Variants in ANXA9 observed in about 807,000 individuals in gnomAD.
ANXA9 encodes annexin A9, also known as annexin 31.
A neutral mutation model predicts 51.8 loss-of-function variants in ANXA9; 47 were observed. That is an observed-to-expected ratio of 0.91 (90% confidence interval 0.72 to 1.16). The LOEUF (loss-of-function observed/expected upper bound fraction) is 1.16. Among genes scored for constraint, ANXA9 ranks in the 50% most tolerant of loss-of-function variants. ANXA9 has a pLI of 0.00. For missense variants in ANXA9, 361 were observed against 424.7 expected (o/e 0.85, Z 1.32); for synonymous variants, 154 against 168.7 (o/e 0.91, Z 0.68).
chr1:150,984,246 C>T, intron 5 of ANXA9, 35 bp from the exon 6 acceptor site: 2 of 1,591,602 alleles, frequency 1.3e-6, no homozygotes, highest in Non-Finnish European at 1.7e-6. Context: ...TTCCCCTCAC[C>T]CCCGTCCCTC....
At chr1:150,979,290 G>T (rs12069792), upstream of ANXA9, among the ~76,000 whole-genome samples, 2 of 152,004 alleles carry the variant, frequency 1.3e-5, no homozygotes, top group South Asian at 2.1e-4. Flanking sequence ...GAGATTCGGC[G>T]TGAGGAAACA....
At chr1:150,986,697 T>C (rs928299600) in intron 9 of ANXA9, 36 bp downstream of exon 9, 2 of 1,547,616 alleles carry the variant, frequency 1.3e-6, no homozygotes, top group East Asian at 2.3e-5. Context: ...ACAGCCGCCA[T>C]GCACATAAGA....
chr1:150,981,200 T>C (rs1309467181), upstream of ANXA9, among the ~76,000 whole-genome samples: 2 of 152,206 alleles, frequency 1.3e-5, no homozygotes, highest in African/African-American at 2.4e-5. Flanking sequence ...GGAGCAGTGA[T>C]TACCGCCACA....
In ANXA9 at chr1:150,983,134, C is replaced by T. The variant is rs142659327; in HGVS notation, c.29C>T (p.Pro10Leu). 124 of 1,614,036 alleles carry T rather than the reference C, an allele frequency of 7.7e-5. No homozygotes were observed. In the African/African-American group the frequency reaches 1.4e-3, roughly 19 times the overall value. ...TCTGTGACTGGCGGGAAGATGGCAC[C>T]GTCCCTCACCCAGGAGATCCTCAGC... MSVTGGKMA[P>L]SLTQEILSHL... Residue 10 changes from proline to leucine, a missense_variant, in exon 3 of 14, where the codon CCG (proline) becomes CTG (leucine). Coordinates refer to ENST00000368947, the MANE Select transcript of ANXA9 (RefSeq NM_003568.3).
upstream of ANXA9, among the ~76,000 whole-genome samples, chr1:150,980,729 G>A (rs780689555): frequency 3.5e-4 from 53 of 151,448 alleles, no homozygotes; most frequent in Non-Finnish European, 5.9e-4. Context: ...ACAGGCATGC[G>A]CCGCCATGCC....
chr1:150,995,221 G>T, intron 13 of ANXA9, 39 bp from the exon 14 acceptor site: 2 of 1,592,498 alleles, frequency 1.3e-6, no homozygotes, highest in Non-Finnish European at 1.7e-6. Flanking sequence ...GGCCATAGTG[G>T]TGGTGGATCT....
At chr1:150,995,159 C>T in intron 13 of ANXA9, 101 bp from the exon 14 acceptor site, 6 of 1,223,468 alleles carry the variant, frequency 4.9e-6, no homozygotes, top group Non-Finnish European at 6.9e-6. Flanking sequence ...AGGACCCTTC[C>T]CTCCCAGATG....
Position 150,988,264 on chromosome 1 carries a change from C to T in ANXA9, c.794-19C>T, listed in dbSNP as rs781060123. On this transcript the variant is annotated intron_variant, in intron 11 of 13. Transcript: ENST00000368947. ...GTGGTCCTAGTTGTGAACCTCCATCCTTCCATCTTTGTTTCCAGCTTCGGT... is the reference window on the plus strand; with the variant it reads ...GTGGTCCTAGTTGTGAACCTCCATCTTTCCATCTTTGTTTCCAGCTTCGGT... 4.3e-6 allele frequency: 7 copies of T among 1,614,162 alleles called. No homozygotes were observed. In the African/African-American group the frequency reaches 6.7e-5, roughly 15 times the overall value.
chr1:150,993,042 T>C (rs867232177), intron 12 of ANXA9, among the ~76,000 whole-genome samples: 1 of 152,170 alleles, frequency 6.6e-6, no homozygotes, highest in Non-Finnish European at 1.5e-5. Flanking sequence ...TTCATTTTCT[T>C]TTGTTTTGTC....
chr1:150,993,633 C>CTTTTTTTTTTTTTT (rs35186445), intron 12 of ANXA9, among the ~76,000 whole-genome samples: 1 of 104,184 alleles, frequency 9.6e-6, no homozygotes, highest in African/African-American at 3.9e-5. Flanking sequence ...TTCTTTCTTT[C>CTTTTTTTTTTTTTT]TTTTTTTTTT....
At chr1:150,994,752 C>G in intron 13 of ANXA9, 53 bp downstream of exon 13, 1 of 1,605,116 alleles carries the variant, frequency 6.2e-7, no homozygotes, top group South Asian at 1.1e-5. Flanking sequence ...CTCCTCACCT[C>G]CACCCTCACT....
At chr1:150,982,945 C>A in intron 2 of ANXA9, 145 bp from the exon 3 acceptor site, 1 of 618,600 alleles carries the variant, frequency 1.6e-6, no homozygotes, top group Non-Finnish European at 2.8e-6. Context: ...TTTCTGGCTC[C>A]AAGCCTAAGC....
Position 150,995,386 on chromosome 1 carries a change from G to T in ANXA9, c.*64G>T. 6.6e-7 allele frequency: 1 copy of T among 1,509,572 alleles called. No individual in the cohort carries two copies. The highest frequency in any genetic ancestry group is 9.0e-7 in the Non-Finnish European group (1 of 1,113,272). The allele number at this position is 1,509,572 out of a possible 1,614,324, so 93.5% of individuals were successfully genotyped here. On this transcript the variant is annotated 3_prime_UTR_variant, in exon 14 of 14. Coordinates refer to ENST00000368947, the MANE Select transcript of ANXA9 (RefSeq NM_003568.3). Reference sequence around the variant, plus strand: ...GAGATTTCCGTGTTTGGCTGAACCTGGGAGACCAGCTGGGCCTCCAAGTAG... The same window carrying T: ...GAGATTTCCGTGTTTGGCTGAACCTTGGAGACCAGCTGGGCCTCCAAGTAG...
At chr1:150,995,122 T>C in intron 13 of ANXA9, 138 bp from the exon 14 acceptor site, 1 of 845,538 alleles carries the variant, frequency 1.2e-6, no homozygotes. Flanking sequence ...CTTTGGTTAA[T>C]GTAGTGCAGG....
chr1:150,982,872 T>A (rs1011997574), intron 2 of ANXA9, among the ~76,000 whole-genome samples: 1 of 152,134 alleles, frequency 6.6e-6, no homozygotes, highest in Non-Finnish European at 1.5e-5. Flanking sequence ...CCCCACTTCC[T>A]AAAGGAGTGG....
intron 12 of ANXA9, among the ~76,000 whole-genome samples, chr1:150,991,530 C>T (rs754918049): frequency 1.7e-4 from 25 of 143,024 alleles, no homozygotes; most frequent in African/African-American, 5.1e-4. Flanking sequence ...CCAAGGTGCC[C>T]GGCCTTCTTC....
intron 12 of ANXA9, 120 bp from the exon 13 acceptor site, chr1:150,994,457 A>G: frequency 1.4e-6 from 2 of 1,448,074 alleles, no homozygotes; most frequent in Non-Finnish European, 1.9e-6. Context: ...TATAATGTAC[A>G]CTCTTATCCC....
intron 13 of ANXA9, 41 bp from the exon 14 acceptor site, chr1:150,995,219 T>C (rs1180383116): frequency 6.3e-7 from 1 of 1,588,524 alleles, no homozygotes; most frequent in Non-Finnish European, 8.6e-7. Context: ...TGGGCCATAG[T>C]GGTGGTGGAT....
At chr1:150,995,213 C>T in intron 13 of ANXA9, 47 bp from the exon 14 acceptor site, 1 of 1,576,816 alleles carries the variant, frequency 6.3e-7, no homozygotes, top group South Asian at 1.2e-5. Flanking sequence ...AGCACTTGGG[C>T]CATAGTGGTG....
Sources: allele counts gnomAD v4.1 joint callset (sites outside exome capture counted in the v4.1 genomes callset), GRCh38; gene constraint gnomAD v4.1.1; transcripts MANE v1.5; gene names NCBI Gene and HGNC (gene_info 2026-07-23, HGNC 2026-07-21).